Variants in GRID2 observed in about 807,000 individuals in gnomAD.
GRID2 encodes the protein glutamate ionotropic receptor delta type subunit 2, also known as glutamate receptor ionotropic, delta-2.
A neutral mutation model predicts 114.8 loss-of-function variants in GRID2; 33 were observed. That is an observed-to-expected ratio of 0.29 (90% CI 0.22 to 0.38). The LOEUF is 0.38. Ranked by LOEUF, GRID2 falls within the 10% of genes least tolerant of loss-of-function variation. GRID2 has a pLI of 1.00. For missense variants in GRID2, 1,184 were observed against 1,257.7 expected, an observed-to-expected ratio of 0.94 and a Z score of 0.89; for synonymous variants, 505 against 449.9, an observed-to-expected ratio of 1.12 and a Z score of -1.55.
chr4:92,696,708 T>C (rs148081516), intron 2 of GRID2, among the ~76,000 whole-genome samples: 1 of 152,212 alleles, frequency 6.6e-6, no homozygotes, highest in Non-Finnish European at 1.5e-5. Context: ...AGAAAGGCTG[T>C]AGAGAGGGGT....
chr4:93,189,440 A>T (rs1740756775), intron 4 of GRID2, among the ~76,000 whole-genome samples: 1 of 152,098 alleles, frequency 6.6e-6, no homozygotes, highest in African/African-American at 2.4e-5. Context: ...GGTTATGCTC[A>T]CATGACCTAA....
chr4:93,350,335 T>A (rs886438966), intron 8 of GRID2, among the ~76,000 whole-genome samples: 1 of 152,096 alleles, frequency 6.6e-6, no homozygotes. Flanking sequence ...GAACTTTTAG[T>A]TCCTAGAAGA....
intron 1 of GRID2, among the ~76,000 whole-genome samples, chr4:92,484,237 A>G (rs754087552): frequency 6.6e-6 from 1 of 152,188 alleles, no homozygotes; most frequent in Non-Finnish European, 1.5e-5. Flanking sequence ...TGACACAACT[A>G]GAGTTGGTTA....
intron 2 of GRID2, among the ~76,000 whole-genome samples, chr4:92,651,982 C>A (rs1325658424): frequency 3.3e-5 from 5 of 152,108 alleles, no homozygotes; most frequent in African/African-American, 9.7e-5. Context: ...AGGCATGTGT[C>A]AGGAGTGGGG....
chr4:93,647,465 A>G (rs971787530), intron 14 of GRID2, among the ~76,000 whole-genome samples: 1 of 152,212 alleles, frequency 6.6e-6, no homozygotes, highest in African/African-American at 2.4e-5. Context: ...AACTGTCCTC[A>G]GGCAGACCTG....
At chr4:92,414,664 C>T (rs937315665) in intron 1 of GRID2, among the ~76,000 whole-genome samples, 11 of 152,192 alleles carry the variant, frequency 7.2e-5, no homozygotes, top group African/African-American at 2.6e-4. Flanking sequence ...GTAACACCTC[C>T]TTTTAAATAC....
chr4:93,400,170 T>C (rs1486748974), intron 9 of GRID2, among the ~76,000 whole-genome samples: 1 of 152,106 alleles, frequency 6.6e-6, no homozygotes, highest in Non-Finnish European at 1.5e-5. Context: ...GGACTCATGT[T>C]AGGTATAAAT....
chr4:92,440,157 C>G (rs895216408), intron 1 of GRID2, among the ~76,000 whole-genome samples: 1 of 146,052 alleles, frequency 6.8e-6, no homozygotes, highest in Non-Finnish European at 1.5e-5. Flanking sequence ...GGTGGCTGAG[C>G]TTGGTGAGGT....
intron 13 of GRID2, among the ~76,000 whole-genome samples, chr4:93,546,204 A>T (rs1389882892): frequency 8.5e-5 from 13 of 152,192 alleles, no homozygotes; most frequent in Non-Finnish European, 1.5e-4. Context: ...ATAGGTTTGG[A>T]GGAGTGAACT....
chr4:93,750,597 A>G (rs1021048214), intron 14 of GRID2, among the ~76,000 whole-genome samples: 4 of 152,144 alleles, frequency 2.6e-5, no homozygotes, highest in Non-Finnish European at 4.4e-5. Context: ...TCTACTAAAA[A>G]TACAAAAAAT....
chr4:93,596,854 A>G (rs1449657458), intron 13 of GRID2, among the ~76,000 whole-genome samples: 1 of 152,226 alleles, frequency 6.6e-6, no homozygotes, highest in Non-Finnish European at 1.5e-5. Context: ...TCTACATACA[A>G]TATAATTGAT....
chr4:92,985,174 A>G (rs189948506), intron 2 of GRID2, among the ~76,000 whole-genome samples: 123 of 151,950 alleles, frequency 8.1e-4, no homozygotes, highest in African/African-American at 2.8e-3. Context: ...TTTTTGCCAA[A>G]TGATATTTTA....
chr4:92,417,346 T>C (rs1223225199), intron 1 of GRID2, among the ~76,000 whole-genome samples: 1 of 152,028 alleles, frequency 6.6e-6, no homozygotes, highest in African/African-American at 2.4e-5. Context: ...CAAAGACAAT[T>C]GTTATGGTTT....
intron 1 of GRID2, among the ~76,000 whole-genome samples, chr4:92,337,445 A>G (rs1189230535): frequency 6.6e-6 from 1 of 152,112 alleles, no homozygotes; most frequent in Non-Finnish European, 1.5e-5. Flanking sequence ...CCCAGAAGAA[A>G]AGTGAACTGA....
intron 2 of GRID2, among the ~76,000 whole-genome samples, chr4:92,591,587 A>G (rs112462902): frequency 1.3e-3 from 191 of 152,250 alleles, no homozygotes; most frequent in Middle Eastern, 3.4e-3. Context: ...CAAACATTGA[A>G]AGAGTAAGGA....
At chr4:92,677,615 T>C (rs1733439093) in intron 2 of GRID2, among the ~76,000 whole-genome samples, 1 of 152,162 alleles carries the variant, frequency 6.6e-6, no homozygotes, top group Non-Finnish European at 1.5e-5. Flanking sequence ...ACATTCCGTC[T>C]CAGTGGGTGA....
intron 8 of GRID2, among the ~76,000 whole-genome samples, chr4:93,340,061 A>G (rs542656263): frequency 2.1e-4 from 32 of 152,236 alleles, no homozygotes; most frequent in South Asian, 6.2e-4. Context: ...AAGCCTAACC[A>G]CATCACCTAT....
At chr4:92,888,251 T>C in intron 2 of GRID2, among the ~76,000 whole-genome samples, 1 of 152,156 alleles carries the variant, frequency 6.6e-6, no homozygotes, top group East Asian at 1.9e-4. Context: ...ATAATAAATG[T>C]ACTTATTAGA....
At chr4:93,521,448 G>T (rs1578181358) in intron 13 of GRID2, among the ~76,000 whole-genome samples, 1 of 152,102 alleles carries the variant, frequency 6.6e-6, no homozygotes, top group Non-Finnish European at 1.5e-5. Flanking sequence ...AGAGTAAGTG[G>T]TGGTTTAAAA....
Sources: allele counts gnomAD v4.1 joint callset (sites outside exome capture counted in the v4.1 genomes callset), GRCh38; gene constraint gnomAD v4.1.1; transcripts MANE v1.5; gene names NCBI Gene and HGNC (gene_info 2026-07-23, HGNC 2026-07-21).